OPCML: variants seen among roughly 807,000 people sequenced by gnomAD.
The protein encoded by OPCML is opioid binding protein/cell adhesion molecule like, also known as opioid-binding protein/cell adhesion molecule.
Under a neutral mutation model 37.8 loss-of-function variants are expected in OPCML, and 13 were observed. The observed-to-expected ratio is 0.34, with a 90% CI of 0.22 to 0.55. The LOEUF is 0.55. Among genes scored for constraint, OPCML ranks in the 20% least tolerant of loss-of-function variants. The pLI is 0.91. For synonymous variants in OPCML, 176 were observed against 168.8 expected, an observed-to-expected ratio of 1.04 and a Z score of -0.33; for missense variants, 341 against 435.6, an observed-to-expected ratio of 0.78 and a Z score of 1.93.
intron 2 of OPCML, among the ~76,000 whole-genome samples, chr11:132,711,781 G>A (rs2135950491): frequency 6.6e-6 from 1 of 152,308 alleles, no homozygotes; most frequent in Non-Finnish European, 1.5e-5. Context: ...ATATGTGTAT[G>A]TGTGTACCTT....
chr11:132,844,436 G>A (rs940605991), intron 2 of OPCML, among the ~76,000 whole-genome samples: 3 of 152,342 alleles, frequency 2.0e-5, no homozygotes, highest in African/African-American at 4.8e-5. Flanking sequence ...TGGGTGCATG[G>A]TGGGGGGAGG....
intron 1 of OPCML, chr11:133,004,413 G>A: frequency 1.0e-6 from 1 of 985,420 alleles, no homozygotes; most frequent in Non-Finnish European, 1.2e-6. Flanking sequence ...CTATCATCTG[G>A]CAATTGACAG....
intron 1 of OPCML, among the ~76,000 whole-genome samples, chr11:133,402,599 T>C (rs1308652914): frequency 6.6e-6 from 1 of 152,152 alleles, no homozygotes; most frequent in Non-Finnish European, 1.5e-5. Flanking sequence ...CCATTTATCA[T>C]AAACATGTAC....
chr11:132,958,844 C>T (rs1946024278), intron 1 of OPCML, among the ~76,000 whole-genome samples: 1 of 152,162 alleles, frequency 6.6e-6, no homozygotes, highest in Non-Finnish European at 1.5e-5. Context: ...AATATCACTG[C>T]CCATTGACAA....
chr11:132,584,237 G>A lies in OPCML; in HGVS notation c.380-55051C>T, dbSNP rs191195153. Among the ~76,000 whole-genome samples the A allele has an allele frequency of 4.2e-3, 643 of 152,112 alleles. 3 individuals are homozygous for A. The highest frequency in any genetic ancestry group is 8.3e-3 in the South Asian group (40 of 4,826). On this transcript the variant is annotated intron_variant, in intron 3 of 7. Transcript: ENST00000524381. ...AGGAGGAGCAAAGATAGGGTAAAAT[G>A]CAAATATAGTAGTGGTATCATCTTC...
intron 1 of OPCML, among the ~76,000 whole-genome samples, chr11:133,060,231 C>A (rs954431365): frequency 1.4e-4 from 21 of 151,784 alleles, no homozygotes; most frequent in African/African-American, 4.8e-4. Flanking sequence ...TCCTTCTCCC[C>A]ATCCCCTCAG....
At chr11:133,145,888 G>A (rs952146606) in intron 1 of OPCML, among the ~76,000 whole-genome samples, 6 of 152,130 alleles carry the variant, frequency 3.9e-5, no homozygotes, top group African/African-American at 1.4e-4. Flanking sequence ...GACAGGAAGT[G>A]GAGAGTGTCA....
At chr11:132,626,048 C>T (rs1342293008) in intron 3 of OPCML, among the ~76,000 whole-genome samples, 1 of 151,742 alleles carries the variant, frequency 6.6e-6, no homozygotes, top group African/African-American at 2.4e-5. Context: ...AGGTAGGCAC[C>T]AGGCCATATG....
At chr11:133,160,764 T>G (rs1307314076) in intron 1 of OPCML, among the ~76,000 whole-genome samples, 3 of 152,222 alleles carry the variant, frequency 2.0e-5, no homozygotes, top group African/African-American at 7.2e-5. Context: ...GAGCATGGAC[T>G]GGACTTGCTC....
chr11:133,484,080 A>AGATT (rs1555165752), intron 1 of OPCML, among the ~76,000 whole-genome samples: 2,926 of 128,242 alleles, frequency 0.023, 40 homozygotes, highest in African/African-American at 0.053. Context: ...ATAGATAGAT[A>AGATT]GATTCATAGA....
intron 1 of OPCML, chr11:133,005,216 A>T (rs1422163501): frequency 1.0e-6 from 1 of 985,242 alleles, no homozygotes; most frequent in Admixed American, 6.2e-5. Flanking sequence ...GCCAACCACA[A>T]TTCCTGGGGA....
At chr11:132,746,821 A>C (rs1254041834) in intron 2 of OPCML, among the ~76,000 whole-genome samples, 1 of 152,134 alleles carries the variant, frequency 6.6e-6, no homozygotes, top group Admixed American at 6.5e-5. Flanking sequence ...GAAAAGCATG[A>C]GATAAAGAGC....
chr11:132,981,483 T>C (rs1946582484), intron 1 of OPCML, among the ~76,000 whole-genome samples: 1 of 152,130 alleles, frequency 6.6e-6, no homozygotes, highest in African/African-American at 2.4e-5. Flanking sequence ...TAACGGGCAC[T>C]GGCGGGAAAG....
intron 1 of OPCML, among the ~76,000 whole-genome samples, chr11:133,480,996 G>A (rs1157174190): frequency 6.6e-6 from 1 of 152,250 alleles, no homozygotes; most frequent in African/African-American, 2.4e-5. Flanking sequence ...TGTTCACACT[G>A]AGTGGGGCCC....
At chr11:133,154,844 T>A (rs572403111) in intron 1 of OPCML, among the ~76,000 whole-genome samples, 1 of 152,066 alleles carries the variant, frequency 6.6e-6, no homozygotes, top group African/African-American at 2.4e-5. Flanking sequence ...AAGATGAGAA[T>A]CAAAGTTTCT....
At chr11:133,330,150 C>T (rs1463046345) in intron 1 of OPCML, among the ~76,000 whole-genome samples, 1 of 152,190 alleles carries the variant, frequency 6.6e-6, no homozygotes, top group Non-Finnish European at 1.5e-5. Context: ...CATCTCACAC[C>T]ACTTAGAATG....
At chr11:132,597,626 G>A (rs931538157) in intron 3 of OPCML, among the ~76,000 whole-genome samples, 4 of 152,164 alleles carry the variant, frequency 2.6e-5, no homozygotes, top group African/African-American at 4.8e-5. Flanking sequence ...TGAAAAGCAC[G>A]AGGTTTGCAT....
chr11:132,666,915 AC>A (rs1942251935), intron 2 of OPCML, among the ~76,000 whole-genome samples: 2 of 152,178 alleles, frequency 1.3e-5, no homozygotes, highest in Admixed American at 1.3e-4. Flanking sequence ...TGGAGAATAG[AC>A]TGTAGCAGGG....
intron 1 of OPCML, among the ~76,000 whole-genome samples, chr11:132,998,519 A>G (rs1226032571): frequency 2.0e-5 from 3 of 152,152 alleles, no homozygotes; most frequent in Admixed American, 1.3e-4. Context: ...CAGTTTTCAT[A>G]GATGTTCATA....
Sources: gnomAD v4.1 joint callset for allele counts (sites outside exome capture counted in the v4.1 genomes callset) on GRCh38, gnomAD v4.1.1 for gene constraint, MANE v1.5 for transcripts, NCBI Gene and HGNC (gene_info 2026-07-23, HGNC 2026-07-21) for gene names.